DCC: variants seen among roughly 807,000 people sequenced by gnomAD.
DCC encodes DCC netrin 1 receptor.
Under a neutral mutation model 172.5 loss-of-function variants are expected in DCC, and 58 were observed. That is an observed-to-expected ratio of 0.34 (90% CI 0.27 to 0.42). DCC has a LOEUF of 0.42. Among genes scored for constraint, DCC ranks in the 10% least tolerant of loss-of-function variants. DCC has a pLI of 1.00. For synonymous variants in DCC, 709 were observed against 644.5 expected (o/e 1.10, Z -1.52); for missense variants, 1,740 against 1,791.0 (o/e 0.97, Z 0.51).
intron 15 of DCC, among the ~76,000 whole-genome samples, chr18:53,342,596 A>G (rs1258864595): frequency 6.6e-6 from 1 of 150,872 alleles, no homozygotes; most frequent in Non-Finnish European, 1.5e-5. Flanking sequence ...TTAATAAAGT[A>G]TATCTTTATA....
At chr18:53,130,819 G>A (rs925557633) in intron 7 of DCC, among the ~76,000 whole-genome samples, 1 of 151,910 alleles carries the variant, frequency 6.6e-6, no homozygotes, top group African/African-American at 2.4e-5. Flanking sequence ...CATAATCCTT[G>A]ATTATGTGTG....
At chr18:53,458,031 G>C (rs950169618) in intron 23 of DCC, among the ~76,000 whole-genome samples, 3 of 152,144 alleles carry the variant, frequency 2.0e-5, no homozygotes, top group South Asian at 2.1e-4. Context: ...ACAGGTTACA[G>C]GTGTTTTCAC....
intron 2 of DCC, among the ~76,000 whole-genome samples, chr18:52,880,650 ATGACCTC>A (rs1158106697): frequency 6.6e-6 from 1 of 152,198 alleles, no homozygotes; most frequent in East Asian, 1.9e-4. Flanking sequence ...ACTTAACATA[ATGACCTC>A]CACCTCCATC....
At chr18:52,751,574 T>C (rs982129097) in intron 1 of DCC, among the ~76,000 whole-genome samples, 3 of 152,224 alleles carry the variant, frequency 2.0e-5, no homozygotes, top group African/African-American at 7.2e-5. Flanking sequence ...GCCCATGCTG[T>C]TCAGAGTTGA....
chr18:52,628,492 C>T (rs12606567), intron 1 of DCC, among the ~76,000 whole-genome samples: 33,965 of 152,156 alleles, frequency 0.22, 4,490 homozygotes, highest in South Asian at 0.4. Flanking sequence ...TACAAACTTG[C>T]CTTCATCTGT....
rs76616046 is a variant in DCC, at chr18:52,708,910, A to T, written c.92-43144A>T. On this transcript the variant is annotated intron_variant, in intron 1 of 28. Transcript: ENST00000442544. ...CCTGGGAGCTCTTTCTGGTAGAATA[A>T]AAATCTGCATAGCTTAGTACCAAAG... 0.016 allele frequency among the ~76,000 whole-genome samples: 2,477 copies of T among 152,304 alleles called. 88 individuals are homozygous for T. The East Asian group carries it at 0.16, about 10-fold the overall frequency.
intron 2 of DCC, among the ~76,000 whole-genome samples, chr18:52,863,674 CA>C (rs2039178471): frequency 6.6e-6 from 1 of 151,642 alleles, no homozygotes; most frequent in Non-Finnish European, 1.5e-5. Context: ...TATTATAAAA[CA>C]TAACTTTTAT....
intron 2 of DCC, chr18:52,754,044 G>C (rs2037039280): frequency 6.6e-6 from 1 of 152,034 alleles, no homozygotes; most frequent in African/African-American, 2.4e-5. Context: ...TGAATCATAG[G>C]CTGTTTAGTC....
chr18:52,719,083 C>T (rs2036433907), intron 1 of DCC, among the ~76,000 whole-genome samples: 1 of 152,088 alleles, frequency 6.6e-6, no homozygotes, highest in South Asian at 2.1e-4. Context: ...GTAGCTGCAT[C>T]ACTCCAACCT....
At position 52,911,935 on chromosome 18, in the gene DCC, G is replaced by C. The variant is rs150763312; in HGVS notation, c.697+5607G>C. On this transcript the variant is annotated intron_variant, in intron 3 of 28. Transcript: ENST00000442544. ...ATATGATCTTATTGTATTTAAGCCA[G>C]ATGAAGTCCATGTTTTCTAGATATA... Among the ~76,000 whole-genome samples the C allele has an allele frequency of 3.9e-5, 6 of 152,070 alleles. No homozygotes were observed. In the East Asian group the frequency reaches 7.7e-4, roughly 20 times the overall value.
At chr18:52,847,563 G>A (rs1051783357) in intron 2 of DCC, among the ~76,000 whole-genome samples, 11 of 152,102 alleles carry the variant, frequency 7.2e-5, no homozygotes, top group African/African-American at 2.7e-4. Context: ...GCCAAACGAC[G>A]GTTCTATGAG....
At chr18:53,155,455 A>G (rs1267332005) in intron 7 of DCC, among the ~76,000 whole-genome samples, 1 of 152,224 alleles carries the variant, frequency 6.6e-6, no homozygotes, top group Admixed American at 6.5e-5. Flanking sequence ...AAGAAAACAG[A>G]GTTATCACAG....
intron 1 of DCC, among the ~76,000 whole-genome samples, chr18:52,443,645 T>G (rs1201353514): frequency 6.6e-6 from 1 of 152,040 alleles, no homozygotes; most frequent in East Asian, 1.9e-4. Context: ...CTGCAAGTAA[T>G]GAGGCATGGC....
At chr18:53,174,387 G>A (rs2055058457) in intron 8 of DCC, among the ~76,000 whole-genome samples, 1 of 151,638 alleles carries the variant, frequency 6.6e-6, no homozygotes, top group Non-Finnish European at 1.5e-5. Flanking sequence ...TAATCCAGGA[G>A]CTGGTTTTTT....
intron 1 of DCC, among the ~76,000 whole-genome samples, chr18:52,665,938 C>G (rs551768462): frequency 6.6e-6 from 1 of 152,108 alleles, no homozygotes; most frequent in Non-Finnish European, 1.5e-5. Flanking sequence ...TAAAATGTCT[C>G]TAGACTTCAC....
rs531575382 is a variant in DCC at position 53,513,778 on chromosome 18, A to G, written c.4112-12839A>G. Among the ~76,000 whole-genome samples the G allele has an allele frequency of 1.7e-4, 26 of 149,726 alleles. No individual in the cohort carries two copies. In the East Asian group the frequency reaches 5.1e-3, roughly 29 times the overall value. On this transcript the variant is annotated intron_variant, in intron 27 of 28. Coordinates refer to ENST00000442544, the MANE Select transcript of DCC (RefSeq NM_005215.4). ...GAAGAGCTAACTATCCTAAATATAT[A>G]TGCACCCAATACAGGAGCACCAAGA... is the stretch of plus-strand genomic sequence containing the variant.
At chr18:52,804,772 C>T (rs532829780) in intron 2 of DCC, among the ~76,000 whole-genome samples, 8 of 152,154 alleles carry the variant, frequency 5.3e-5, no homozygotes, top group South Asian at 4.1e-4. Flanking sequence ...TTAGTAGAGA[C>T]GGGGTTTCAC....
At chr18:52,342,612 A>T (rs933245738) in intron 1 of DCC, among the ~76,000 whole-genome samples, 1 of 152,196 alleles carries the variant, frequency 6.6e-6, no homozygotes. Flanking sequence ...TGGGAGACCT[A>T]TGCGGACGGG....
At chr18:53,042,812 T>C (rs920825511) in intron 5 of DCC, among the ~76,000 whole-genome samples, 1 of 151,722 alleles carries the variant, frequency 6.6e-6, no homozygotes, top group African/African-American at 2.4e-5. Flanking sequence ...GGAAACAACA[T>C]ATGCTGGAGA....
Sources: gnomAD v4.1 joint callset for allele counts (sites outside exome capture counted in the v4.1 genomes callset) on GRCh38, gnomAD v4.1.1 for gene constraint, MANE v1.5 for transcripts, NCBI Gene and HGNC (gene_info 2026-07-23, HGNC 2026-07-21) for gene names.